The following CDC14A variants were observed in gnomAD, a reference collection of about 807,000 sequenced individuals.
The protein encoded by CDC14A is dual specificity protein phosphatase CDC14A.
Under a neutral mutation model 74.4 loss-of-function variants are expected in CDC14A, and 53 were observed. The observed-to-expected ratio is 0.71, with a 90% confidence interval of 0.57 to 0.89. The LOEUF (loss-of-function observed/expected upper bound fraction) is 0.89, where lower values mean the gene tolerates loss of function less well. Ranked by LOEUF, CDC14A falls within the 40% of genes least tolerant of loss-of-function variation. The pLI is 0.00. For synonymous variants in CDC14A, 247 were observed against 258.4 expected, an observed-to-expected ratio of 0.96 and a Z score of 0.43; for missense variants, 646 against 713.7, an observed-to-expected ratio of 0.91 and a Z score of 1.08.
At chr1:100,472,636 T>G (rs1199794550) in intron 10 of CDC14A, among the ~76,000 whole-genome samples, 1 of 152,020 alleles carries the variant, frequency 6.6e-6, no homozygotes, top group Non-Finnish European at 1.5e-5. Context: ...AGACTCTTAG[T>G]TTAGCCCTAG....
chr1:100,370,009 G>C (rs1196248885), intron 2 of CDC14A, among the ~76,000 whole-genome samples: 1 of 150,418 alleles, frequency 6.6e-6, no homozygotes, highest in East Asian at 1.9e-4. Flanking sequence ...TTGGAGACAG[G>C]GTCTCATTTT....
At position 100,519,054 on chromosome 1, in the gene CDC14A, A is replaced by C. The variant is rs1571375693; in HGVS notation, c.*774A>C. The C allele has an allele frequency of 6.6e-6, 1 of 152,090 alleles. No homozygotes were observed. Among genetic ancestry groups the C allele is most frequent in the Non-Finnish European group, 1.5e-5 (1 of 67,980 alleles). The allele number at this position is 152,090 out of a possible 1,614,324, so 9.4% of individuals were successfully genotyped here. A position where few individuals can be genotyped will look rare whatever the true frequency, so the allele number is the denominator to read the frequency against. ...GCAGTGAAAGATCAGAATTCACTGA[A>C]TATTTCTTCTGAGAGCATGGTTTCA... On this transcript the variant is annotated 3_prime_UTR_variant, in exon 16 of 16. Coordinates refer to ENST00000336454, the MANE Select transcript of CDC14A (RefSeq NM_003672.4).
At chr1:100,484,783 T>C (rs1669863801) in intron 11 of CDC14A, 1 of 990,828 alleles carries the variant, frequency 1.0e-6, no homozygotes, top group Non-Finnish European at 1.2e-6. Flanking sequence ...ATTGAGGAAA[T>C]AATACATACC....
intron 15 of CDC14A, among the ~76,000 whole-genome samples, chr1:100,513,089 C>T (rs1316977878): frequency 6.6e-6 from 1 of 152,060 alleles, no homozygotes; most frequent in Non-Finnish European, 1.5e-5. Flanking sequence ...TATTGTGAAA[C>T]CACAGTTATG....
chr1:100,505,647 G>A (rs1246270898), intron 15 of CDC14A, among the ~76,000 whole-genome samples: 1 of 152,200 alleles, frequency 6.6e-6, no homozygotes, highest in East Asian at 1.9e-4. Context: ...CCAGTGGTAT[G>A]TAGTAGTGTT....
At chr1:100,406,918 C>T (rs753918374) in intron 4 of CDC14A, among the ~76,000 whole-genome samples, 1 of 149,864 alleles carries the variant, frequency 6.7e-6, no homozygotes, top group Non-Finnish European at 1.5e-5. Flanking sequence ...AAGAGCGAAA[C>T]TCTGTCTCAA....
chr1:100,372,620 A>G (rs1262533271), intron 2 of CDC14A, among the ~76,000 whole-genome samples: 5 of 152,232 alleles, frequency 3.3e-5, no homozygotes, highest in Admixed American at 3.3e-4. Flanking sequence ...GAATTTAGCA[A>G]TTAGGCTCTA....
At chr1:100,382,195 A>G (rs1037722600) in intron 3 of CDC14A, among the ~76,000 whole-genome samples, 1 of 150,664 alleles carries the variant, frequency 6.6e-6, no homozygotes, top group Non-Finnish European at 1.5e-5. Flanking sequence ...GAAAAAACTG[A>G]ATACCTTCCT....
chr1:100,460,564 C>T (rs1667221174), intron 8 of CDC14A, among the ~76,000 whole-genome samples: 1 of 152,224 alleles, frequency 6.6e-6, no homozygotes, highest in Non-Finnish European at 1.5e-5. Flanking sequence ...GATAGAAAAA[C>T]CGTTACTTCT....
At chr1:100,506,076 A>C (rs1225554227) in intron 15 of CDC14A, among the ~76,000 whole-genome samples, 2 of 152,162 alleles carry the variant, frequency 1.3e-5, no homozygotes, top group African/African-American at 2.4e-5. Context: ...CCATGACCCA[A>C]GTACCTCCCA....
intron 7 of CDC14A, among the ~76,000 whole-genome samples, chr1:100,452,512 A>C (rs1289764114): frequency 2.0e-5 from 3 of 152,214 alleles, no homozygotes; most frequent in Admixed American, 2.0e-4. Context: ...CTCCATCTCC[A>C]GATAAAAAAA....
chr1:100,495,771 T>A (rs952110381), intron 12 of CDC14A, among the ~76,000 whole-genome samples: 3 of 152,198 alleles, frequency 2.0e-5, no homozygotes, highest in Non-Finnish European at 2.9e-5. Flanking sequence ...GAGTTCCTGA[T>A]CTAAGGAATA....
At chr1:100,468,284 T>G (rs1356352170) in intron 10 of CDC14A, among the ~76,000 whole-genome samples, 190 bp downstream of exon 10, 1 of 152,238 alleles carries the variant, frequency 6.6e-6, no homozygotes, top group Non-Finnish European at 1.5e-5. Flanking sequence ...TTTATATCTC[T>G]TAGATCAGGT....
Position 100,494,871 on chromosome 1 carries a change from C to A in CDC14A, c.1191C>A (p.Asp397Glu), listed in dbSNP as rs752526272. Residue 397 changes from aspartate (D) to glutamate (E), a missense_variant, in exon 12 of 16, where the codon GAC becomes GAA. Coordinates refer to ENST00000336454, the MANE Select transcript of CDC14A (RefSeq NM_003672.4). ...TGAAAAATGGTATAACCCAGGGAGA[C>A]AAACTACGTGCCTTAAAAAGTCAGA... is the stretch of plus-strand genomic sequence containing the variant. ...VEMKNGITQG[D>E]KLRALKSQRQ... The A allele has an allele frequency of 3.1e-6, 5 of 1,613,444 alleles. No individual in the cohort carries two copies. The highest frequency in any genetic ancestry group is 3.4e-6 in the Non-Finnish European group (4 of 1,179,528).
upstream of CDC14A, chr1:100,351,860 C>T: frequency 1.4e-6 from 2 of 1,450,520 alleles, no homozygotes; most frequent in Non-Finnish European, 1.9e-6. Flanking sequence ...GCTGGTGCTT[C>T]TTTTTCAATT....
intron 7 of CDC14A, among the ~76,000 whole-genome samples, chr1:100,444,460 T>C (rs1447280741): frequency 6.6e-6 from 1 of 152,180 alleles, no homozygotes; most frequent in East Asian, 1.9e-4. Flanking sequence ...GGATAAACTC[T>C]CCTGTCCTGG....
intron 15 of CDC14A, among the ~76,000 whole-genome samples, chr1:100,513,426 G>C (rs944388228): frequency 2.0e-5 from 3 of 152,092 alleles, no homozygotes; most frequent in Non-Finnish European, 4.4e-5. Context: ...AAGGACTGGG[G>C]AAAATGTAGG....
rs192545466 is a variant in CDC14A, at chr1:100,445,096, A to T, written c.519+2100A>T. Reference sequence around the variant, plus strand: ...TCACTGAATGTTATGCAGTCATTTTAAAAAATGAATTGAGCTATACCACTT... The same window carrying T: ...TCACTGAATGTTATGCAGTCATTTTTAAAAATGAATTGAGCTATACCACTT... On this transcript the variant is annotated intron_variant, in intron 7 of 15. Transcript: ENST00000336454. 3.1e-3 allele frequency among the ~76,000 whole-genome samples: 475 copies of T among 152,352 alleles called. 5 individuals are homozygous for T. The highest frequency in any genetic ancestry group is 0.011 in the African/African-American group (449 of 41,574).
At chr1:100,468,684 A>G (rs959524137) in intron 10 of CDC14A, among the ~76,000 whole-genome samples, 1 of 152,178 alleles carries the variant, frequency 6.6e-6, no homozygotes, top group Admixed American at 6.5e-5. Flanking sequence ...ACAGCCATTC[A>G]TTCATTAACT....
Sources: allele counts gnomAD v4.1 joint callset (sites outside exome capture counted in the v4.1 genomes callset), GRCh38; gene constraint gnomAD v4.1.1; transcripts MANE v1.5; gene names NCBI Gene and HGNC (gene_info 2026-07-23, HGNC 2026-07-21).